The following FARP1 variants were observed in gnomAD, a reference collection of about 807,000 sequenced individuals.
FARP1 encodes FERM, ARH/RhoGEF and pleckstrin domain protein 1, also known as FERM, ARHGEF and pleckstrin domain-containing protein 1.
FARP1 carries 52 observed loss-of-function variants against 128.8 expected under a neutral mutation model. That is an observed-to-expected ratio of 0.40 (90% CI 0.32 to 0.51). The LOEUF is 0.51. FARP1 is among the 20% of genes least tolerant of loss of function. The pLI is 0.45. For synonymous variants in FARP1, 580 were observed against 551.8 expected, an observed-to-expected ratio of 1.05 and a Z score of -0.72; for missense variants, 1,333 against 1,367.9, an observed-to-expected ratio of 0.97 and a Z score of 0.40.
intron 1 of FARP1, among the ~76,000 whole-genome samples, chr13:98,211,058 C>T (rs543476178): frequency 3.3e-5 from 5 of 152,274 alleles, no homozygotes; most frequent in African/African-American, 1.2e-4. Context: ...TATATAGTAC[C>T]ATCCTCAGGC....
chr13:98,212,006 G>A (rs1477932834), intron 1 of FARP1, among the ~76,000 whole-genome samples: 2 of 83,128 alleles, frequency 2.4e-5, no homozygotes, highest in Admixed American at 2.8e-4. Context: ...TGACAGCCAC[G>A]AGCACAGAGG....
intron 2 of FARP1, among the ~76,000 whole-genome samples, chr13:98,295,047 ACACACACAC>A (rs1885611125): frequency 1.0e-3 from 3 of 2,864 alleles, no homozygotes; most frequent in African/African-American, 4.7e-3. Flanking sequence ...TATATATATT[ACACACACAC>A]ACACACACAC....
intron 2 of FARP1, among the ~76,000 whole-genome samples, chr13:98,222,554 A>C (rs1881475532): frequency 6.6e-6 from 1 of 152,036 alleles, no homozygotes; most frequent in African/African-American, 2.4e-5. Flanking sequence ...CTGGGGCCAT[A>C]AAGAGCCGTT....
chr13:98,250,928 T>A (rs1236350474), intron 2 of FARP1, among the ~76,000 whole-genome samples: 1 of 152,218 alleles, frequency 6.6e-6, no homozygotes, highest in Non-Finnish European at 1.5e-5. Flanking sequence ...GTTCAGTGCC[T>A]GTCTTCCCCA....
At chr13:98,429,655 GCGGGGGC>G in intron 17 of FARP1, among the ~76,000 whole-genome samples, 1 of 152,316 alleles carries the variant, frequency 6.6e-6, no homozygotes, top group East Asian at 1.9e-4. Context: ...GAGAATAAAT[GCGGGGGC>G]CCCAGCTGAG....
chr13:98,171,626 T>C (rs1213925415), intron 1 of FARP1, among the ~76,000 whole-genome samples: 1 of 152,236 alleles, frequency 6.6e-6, no homozygotes, highest in Non-Finnish European at 1.5e-5. Context: ...CATTTTATTT[T>C]ACCAAGGTAT....
chr13:98,252,005 G>A (rs1170921915), intron 2 of FARP1, among the ~76,000 whole-genome samples: 1 of 144,884 alleles, frequency 6.9e-6, no homozygotes, highest in Non-Finnish European at 1.5e-5. Flanking sequence ...CTGCCACCAT[G>A]CCCGGTTATT....
intron 2 of FARP1, among the ~76,000 whole-genome samples, chr13:98,308,102 A>G (rs974543407): frequency 1.5e-5 from 2 of 136,842 alleles, no homozygotes; most frequent in Non-Finnish European, 3.0e-5. Context: ...GGACTGTGAA[A>G]CCCACGGAAT....
chr13:98,216,096 A>G (rs1487667874), intron 2 of FARP1, among the ~76,000 whole-genome samples: 2 of 152,042 alleles, frequency 1.3e-5, no homozygotes, highest in Admixed American at 6.6e-5. Context: ...GCCATATTTT[A>G]ATTTTTCTAG....
rs1890486275 is a variant in FARP1, at chr13:98,395,391, C to T, written c.1329C>T (p.Ala443=). The T allele has an allele frequency of 6.2e-7, 1 of 1,611,548 alleles. No homozygotes were observed. The highest frequency in any genetic ancestry group is 8.5e-7 in the Non-Finnish European group (1 of 1,178,950). ...CGGGTAACAAGCAGGCGGACGGAGC[C>T]GCCTCGGCGCCCACGGAGGAAGAGG... The part of the protein sequence containing the change: ...SPAGNKQADG[A]ASAPTEEEEE... Residue 443 remains alanine, a synonymous_variant, in exon 13 of 27, where the codon GCC becomes GCT. Coordinates refer to ENST00000319562, the MANE Select transcript of FARP1 (RefSeq NM_005766.4).
intron 16 of FARP1, among the ~76,000 whole-genome samples, chr13:98,412,855 C>A (rs1324787331): frequency 6.6e-6 from 1 of 152,172 alleles, no homozygotes; most frequent in East Asian, 1.9e-4. Context: ...ACTAAACATG[C>A]ATTTGAAAAA....
chr13:98,442,561 C>G (rs1444147016), intron 24 of FARP1, among the ~76,000 whole-genome samples: 1 of 152,186 alleles, frequency 6.6e-6, no homozygotes, highest in Non-Finnish European at 1.5e-5. Flanking sequence ...ATATTCCCTC[C>G]CCGGGCCTCC....
chr13:98,291,053 G>A (rs1308678673), intron 2 of FARP1, among the ~76,000 whole-genome samples: 1 of 152,032 alleles, frequency 6.6e-6, no homozygotes, highest in Non-Finnish European at 1.5e-5. Context: ...CGCAGGTTGG[G>A]GTGCCCAACC....
chr13:98,276,869 G>A (rs1242609022), intron 2 of FARP1, among the ~76,000 whole-genome samples: 1 of 150,458 alleles, frequency 6.6e-6, no homozygotes, highest in Non-Finnish European at 1.5e-5. Context: ...CAGCAAGGGG[G>A]CATGGGTGGG....
chr13:98,401,645 G>A (rs1244632298), intron 13 of FARP1: 2 of 149,532 alleles, frequency 1.3e-5, no homozygotes, highest in African/African-American at 4.9e-5. Flanking sequence ...GGGAGATAGC[G>A]TCTTGTTTTG....
chr13:98,311,721 C>G (rs140109808), intron 2 of FARP1, among the ~76,000 whole-genome samples: 1 of 152,268 alleles, frequency 6.6e-6, no homozygotes, highest in East Asian at 1.9e-4. Flanking sequence ...CTTTGAAATT[C>G]TCCTAGAGAG....
intron 2 of FARP1, among the ~76,000 whole-genome samples, chr13:98,288,259 T>C (rs1461326786): frequency 2.6e-5 from 4 of 152,198 alleles, no homozygotes; most frequent in Non-Finnish European, 5.9e-5. Flanking sequence ...TATGCATAGC[T>C]AAGTGTGTTA....
intron 2 of FARP1, among the ~76,000 whole-genome samples, chr13:98,224,025 G>A (rs4640041): frequency 0.15 from 23,360 of 152,176 alleles, 1,878 homozygotes; most frequent in East Asian, 0.24. Flanking sequence ...CCATTTGTCA[G>A]TGAGTATTTC....
chr13:98,437,415 A>T (rs892553070), intron 19 of FARP1, among the ~76,000 whole-genome samples: 1 of 151,728 alleles, frequency 6.6e-6, no homozygotes, highest in African/African-American at 2.4e-5. Flanking sequence ...GAAGACAGTT[A>T]TAGATAAAGA....
Sources: gnomAD v4.1 joint callset for allele counts (sites outside exome capture counted in the v4.1 genomes callset) on GRCh38, gnomAD v4.1.1 for gene constraint, MANE v1.5 for transcripts, NCBI Gene and HGNC (gene_info 2026-07-23, HGNC 2026-07-21) for gene names.